GOLGA3: variants seen among roughly 807,000 people sequenced by gnomAD.
GOLGA3 encodes the protein golgin subfamily A member 3.
GOLGA3 carries 75 observed loss-of-function variants against 169.4 expected under a neutral mutation model. That is an observed-to-expected ratio of 0.44 (90% confidence interval 0.37 to 0.54). The LOEUF (loss-of-function observed/expected upper bound fraction) is 0.54, where lower values mean the gene tolerates loss of function less well. Ranked by LOEUF, GOLGA3 falls within the 20% of genes least tolerant of loss-of-function variation. GOLGA3 has a pLI of 0.00. For missense variants in GOLGA3, 1,899 were observed against 1,930.0 expected (o/e 0.98, Z 0.30); for synonymous variants, 824 against 822.4 (o/e 1.00, Z -0.03).
chr12:132,822,263 C>A lies in GOLGA3; in HGVS notation c.-135G>T. The A allele has an allele frequency of 7.1e-7, 1 of 1,406,648 alleles. No homozygotes were observed. Among genetic ancestry groups the A allele is most frequent in the South Asian group, 1.5e-5 (1 of 66,422 alleles). 87.1% of individuals were successfully genotyped at this position (1,406,648 alleles called of 1,614,324 possible). A position where few individuals can be genotyped will look rare whatever the true frequency, so the allele number is the denominator to read the frequency against. ...GTGTCTCCCATTTTCAGGAGAAGAT[C>A]TGATGACTCACAAATGACTTGATGT... On this transcript the variant is annotated 5_prime_UTR_variant, in exon 2 of 24. Transcript: ENST00000450791.
At chr12:132,798,033 G>A (rs1037575184) in intron 9 of GOLGA3, among the ~76,000 whole-genome samples, 2 of 152,234 alleles carry the variant, frequency 1.3e-5, no homozygotes, top group Non-Finnish European at 2.9e-5. Flanking sequence ...CCAGGCCCAA[G>A]GCGGGGCTTG....
At chr12:132,826,257 AAG>A in intron 1 of GOLGA3, 1 of 1,213,922 alleles carries the variant, frequency 8.2e-7, no homozygotes, top group Non-Finnish European at 1.1e-6. Context: ...AAAAAAAAAA[AAG>A]AAACTGGAAG....
At position 132,801,763 on chromosome 12, in the gene GOLGA3, G is replaced by A. The variant is rs745680313; in HGVS notation, c.1800+4C>T. Reference sequence around the variant, plus strand: ...CTGCCCTGGAAGGTAGATGTGGGCCGTACCTGGATGTGGGCCATCTCACCC... The same window carrying A: ...CTGCCCTGGAAGGTAGATGTGGGCCATACCTGGATGTGGGCCATCTCACCC... On this transcript the variant is annotated splice_donor_region_variant and intron_variant, in intron 8 of 23. Coordinates refer to ENST00000450791, the MANE Select transcript of GOLGA3 (RefSeq NM_001389683.1). The A allele has an allele frequency of 1.7e-5, 27 of 1,611,054 alleles. No homozygotes were observed. The highest frequency in any genetic ancestry group is 6.7e-5 in the Admixed American group (4 of 60,004).
intron 13 of GOLGA3, among the ~76,000 whole-genome samples, chr12:132,788,799 A>G (rs1477328870): frequency 6.6e-6 from 1 of 151,974 alleles, no homozygotes; most frequent in Non-Finnish European, 1.5e-5. Flanking sequence ...ACCTGGACTT[A>G]TCAGGCCTCA....
Position 132,796,656 on chromosome 12 carries a change from C to A in GOLGA3, c.1983G>T (p.Glu661Asp). The change falls in exon 10 of 24, where the codon GAG (glutamate) becomes GAT (aspartate). Residue 661 changes from glutamate to aspartate, a missense_variant. By Grantham distance (45) the Glu-to-Asp change is conservative. Coordinates refer to ENST00000450791, the MANE Select transcript of GOLGA3 (RefSeq NM_001389683.1). The part of the protein sequence containing the change: ...DQEAAFMQIQ[E>D]AKTMVEEDLQ... ...GGTCCTCCTCCACCATCGTCTTTGC[C>A]TCCTGAATCTGCATGAAGGCTGCTT... is the stretch of plus-strand genomic sequence containing the variant. The A allele has an allele frequency of 6.2e-7, 1 of 1,614,130 alleles. No individual in the cohort carries two copies. Among genetic ancestry groups the A allele is most frequent in the Non-Finnish European group, 8.5e-7 (1 of 1,180,014 alleles).
At chr12:132,818,836 T>C (rs992687307) in intron 2 of GOLGA3, among the ~76,000 whole-genome samples, 2 of 152,108 alleles carry the variant, frequency 1.3e-5, no homozygotes, top group African/African-American at 4.8e-5. Context: ...ACCGCGCTTC[T>C]GCTTGATGAC....
intron 11 of GOLGA3, among the ~76,000 whole-genome samples, chr12:132,792,762 T>C (rs12304695): frequency 0.67 from 42,494 of 62,992 alleles, 13,393 homozygotes; most frequent in East Asian, 0.78. Context: ...CCACACGGAC[T>C]GACCGCACGG....
intron 3 of GOLGA3, among the ~76,000 whole-genome samples, chr12:132,815,875 G>C (rs1336055867): frequency 1.3e-5 from 2 of 152,126 alleles, no homozygotes; most frequent in Non-Finnish European, 2.9e-5. Context: ...CTCCAGCCTG[G>C]GCGACAGAGC....
chr12:132,780,721 T>C (rs2045552204), intron 18 of GOLGA3, 77 bp downstream of exon 18: 2 of 882,602 alleles, frequency 2.3e-6, no homozygotes, highest in Admixed American at 3.7e-5. Context: ...GAGGCTGGTG[T>C]GTGAAGGACC....
At chr12:132,775,428 C>CA in intron 21 of GOLGA3, 123 bp from the exon 22 acceptor site, 1 of 782,630 alleles carries the variant, frequency 1.3e-6, no homozygotes, top group Non-Finnish European at 2.0e-6. Context: ...TAGATGATGC[C>CA]AGTCCAGGTC....
chr12:132,776,128 CCCG>C, intron 21 of GOLGA3, among the ~76,000 whole-genome samples: 3 of 91,328 alleles, frequency 3.3e-5, no homozygotes, highest in Non-Finnish European at 9.1e-5. Context: ...AAGTGGTGCT[CCCG>C]CCTGTGTCCA....
In GOLGA3 at chr12:132,786,952, C is replaced by T. The variant is rs553525069; in HGVS notation, c.2812-165G>A. Among the ~76,000 whole-genome samples the T allele has an allele frequency of 2.0e-5, 3 of 151,260 alleles. No individual in the cohort carries two copies. In the East Asian group the frequency reaches 5.8e-4, roughly 29 times the overall value. On this transcript the variant is annotated intron_variant, in intron 13 of 23. Coordinates refer to ENST00000450791, the MANE Select transcript of GOLGA3 (RefSeq NM_001389683.1). ...GAGAGACGTCTGCCTTCTTACAAAC[C>T]ACTCTTTTTTTTTTTTATTGAGATG... is the stretch of plus-strand genomic sequence containing the variant.
At chr12:132,821,382 G>A (rs138444989) in intron 2 of GOLGA3, among the ~76,000 whole-genome samples, 240 of 148,210 alleles carry the variant, frequency 1.6e-3, no homozygotes, top group Middle Eastern at 3.4e-3. Context: ...ACTCCAGCCC[G>A]GGCACCCAGA....
intron 12 of GOLGA3, among the ~76,000 whole-genome samples, chr12:132,790,432 CGGG>C (rs1209042309): frequency 6.6e-6 from 1 of 152,122 alleles, no homozygotes; most frequent in Non-Finnish European, 1.5e-5. Context: ...AATATAGCTT[CGGG>C]GTCACCCTTG....
At chr12:132,780,754 G>C in intron 18 of GOLGA3, 44 bp downstream of exon 18, 1 of 1,204,618 alleles carries the variant, frequency 8.3e-7, no homozygotes, top group Admixed American at 1.7e-5. Context: ...CTAGGCACTG[G>C]AGCGTCCTCT....
At chr12:132,828,583 C>T (rs1950521064) in intron 1 of GOLGA3, 2 of 152,332 alleles carry the variant, frequency 1.3e-5, no homozygotes, top group Non-Finnish European at 2.9e-5. Flanking sequence ...CGGGCACCGG[C>T]ATTTACAGAG....
intron 9 of GOLGA3, 122 bp downstream of exon 9, chr12:132,798,218 C>A (rs145018169): frequency 2.1e-5 from 20 of 946,684 alleles, no homozygotes; most frequent in Non-Finnish European, 2.6e-5. Context: ...CAGTCACTGC[C>A]CGCCATCCAT....
chr12:132,801,944 T>C lies in GOLGA3; in HGVS notation c.1623A>G (p.Thr541=), dbSNP rs1423075920. The C allele has an allele frequency of 6.3e-7, 1 of 1,599,206 alleles. No individual in the cohort carries two copies. Among genetic ancestry groups the C allele is most frequent in the African/African-American group, 1.3e-5 (1 of 75,034 alleles). Residue 541 remains threonine (T), a synonymous_variant, in exon 8 of 24, where the codon ACA becomes ACG. Transcript: ENST00000450791. ...NTVHDLRQQM[T]ALQSQLQQVQ... is the part of the protein sequence containing the mutation. ...CCTGCTGAAGCTGGCTCTGCAAGGCTGTCATCTGCTGTCGCAGGTCGTGCA... is the reference window on the plus strand; with the variant it reads ...CCTGCTGAAGCTGGCTCTGCAAGGCCGTCATCTGCTGTCGCAGGTCGTGCA...
chr12:132,778,228 G>C (rs2045354675), intron 18 of GOLGA3, among the ~76,000 whole-genome samples: 1 of 151,954 alleles, frequency 6.6e-6, no homozygotes, highest in African/African-American at 2.4e-5. Flanking sequence ...GGGGAGCTGT[G>C]ATCGCGCCAC....
Sources: allele counts gnomAD v4.1 joint callset (sites outside exome capture counted in the v4.1 genomes callset), GRCh38; gene constraint gnomAD v4.1.1; transcripts MANE v1.5; gene names NCBI Gene and HGNC (gene_info 2026-07-23, HGNC 2026-07-21).